Variants in RNLS observed in about 807,000 individuals in gnomAD.
RNLS encodes renalase.
A neutral mutation model predicts 39.8 loss-of-function variants in RNLS; 39 were observed. The ratio of observed to expected loss-of-function variants is 0.98; its 90% CI spans 0.76 to 1.28. The LOEUF is 1.28. RNLS is among the 50% of genes most tolerant of loss of function. The probability of loss-of-function intolerance (pLI) is 0.00; values close to 1 mark genes in which losing one functional copy is unlikely to be tolerated. For missense variants in RNLS, 410 were observed against 413.3 expected (o/e 0.99, Z 0.07); for synonymous variants, 147 against 150.7 (o/e 0.98, Z 0.18).
chr10:88,548,078 G>A (rs1220765051), intron 4 of RNLS, among the ~76,000 whole-genome samples: 3 of 150,152 alleles, frequency 2.0e-5, no homozygotes, highest in East Asian at 2.0e-4. Flanking sequence ...CCTGGGGAAC[G>A]CGGTGAAACC....
intron 4 of RNLS, among the ~76,000 whole-genome samples, chr10:88,396,719 C>T (rs1344686969): frequency 6.8e-6 from 1 of 147,134 alleles, no homozygotes; most frequent in Non-Finnish European, 1.5e-5. Flanking sequence ...AAAAAAAAAA[C>T]CTGATCCAAC....
intron 4 of RNLS, among the ~76,000 whole-genome samples, chr10:88,445,715 C>T (rs1589806106): frequency 6.6e-6 from 1 of 152,066 alleles, no homozygotes; most frequent in Admixed American, 6.6e-5. Flanking sequence ...AAGAGACAAA[C>T]AAGGCCATTA....
At chr10:88,192,678 GA>G in the RNLS span, among the ~76,000 whole-genome samples, 2 of 152,192 alleles carry the variant, frequency 1.3e-5, no homozygotes, top group Admixed American at 1.3e-4. Flanking sequence ...CCAAGAACAT[GA>G]AATCCTCTTG....
intron 5 of RNLS, among the ~76,000 whole-genome samples, chr10:88,320,120 G>A (rs1320568497): frequency 1.3e-5 from 2 of 149,958 alleles, no homozygotes; most frequent in Non-Finnish European, 3.0e-5. Context: ...CAAGCAAGAA[G>A]AGATTGGGGG....
exon 7 of RNLS, chr10:88,274,776 C>T: frequency 2.2e-6 from 1 of 452,828 alleles, no homozygotes; most frequent in South Asian, 3.1e-5. Flanking sequence ...TATCATTTTC[C>T]ATAGTAGCTA....
intron 4 of RNLS, among the ~76,000 whole-genome samples, chr10:88,555,694 T>G (rs1455738092): frequency 6.6e-6 from 1 of 152,096 alleles, no homozygotes; most frequent in African/African-American, 2.4e-5. Flanking sequence ...CCCTCCACAT[T>G]GCGAAATCCA....
chr10:88,312,668 T>C (rs966521039), intron 6 of RNLS, among the ~76,000 whole-genome samples: 3 of 152,316 alleles, frequency 2.0e-5, no homozygotes, highest in South Asian at 2.1e-4. Context: ...AACAAACTCA[T>C]AAGACTGCTT....
At chr10:88,543,896 C>T (rs1439149590) in intron 4 of RNLS, among the ~76,000 whole-genome samples, 1 of 152,078 alleles carries the variant, frequency 6.6e-6, no homozygotes, top group Non-Finnish European at 1.5e-5. Flanking sequence ...ATTGTGAGAT[C>T]TTAGTAATCT....
rs149248574 is a variant in RNLS, at chr10:88,513,434, A to G, written c.526+59469T>C. 7.3e-3 allele frequency among the ~76,000 whole-genome samples: 1,106 copies of G among 152,248 alleles called. 6 individuals are homozygous for G. Among genetic ancestry groups the G allele is most frequent in the African/African-American group, 0.026 (1,062 of 41,556 alleles). On this transcript the variant is annotated intron_variant, in intron 4 of 6. Coordinates refer to ENST00000331772, the MANE Select transcript of RNLS (RefSeq NM_001031709.3). ...ATAAAAGTTTTCAAATGTACACAAA[A>G]GTTGAAATAATTTTATATTAAACAC...
Position 88,562,585 on chromosome 10 carries a change from A to G in RNLS, c.526+10318T>C, listed in dbSNP as rs556584077. Among the ~76,000 whole-genome samples, 55 of 152,258 alleles carry G rather than the reference A, an allele frequency of 3.6e-4. No homozygotes were observed. In the South Asian group the frequency reaches 0.011, roughly 30 times the overall value. The stretch of plus-strand genomic sequence containing the variant: ...GTAAGGAATAAGAAGAGAACCATGA[A>G]TGAAATGACAATTTGTTGGGCATTC... On this transcript the variant is annotated intron_variant, in intron 4 of 6. Coordinates refer to ENST00000331772, the MANE Select transcript of RNLS (RefSeq NM_001031709.3).
chr10:88,177,649 C>G, the RNLS span, among the ~76,000 whole-genome samples: 3 of 151,416 alleles, frequency 2.0e-5, no homozygotes, highest in African/African-American at 7.3e-5. Flanking sequence ...TATTTCCTTG[C>G]TTCTTCATAT....
chr10:88,241,832 A>G, the RNLS span, among the ~76,000 whole-genome samples: 1 of 152,022 alleles, frequency 6.6e-6, no homozygotes, highest in African/African-American at 2.4e-5. Flanking sequence ...CTGTGCATTT[A>G]TACAGACTTT....
chr10:88,510,615 C>T (rs941684938), intron 4 of RNLS, among the ~76,000 whole-genome samples: 3 of 151,828 alleles, frequency 2.0e-5, no homozygotes, highest in Non-Finnish European at 4.4e-5. Flanking sequence ...GAGGCCGAGG[C>T]GGGCGGATCA....
chr10:88,529,814 T>C (rs1164514888), intron 4 of RNLS, among the ~76,000 whole-genome samples: 2 of 152,202 alleles, frequency 1.3e-5, no homozygotes, highest in African/African-American at 4.8e-5. Flanking sequence ...TTTTTGTTCA[T>C]ACAATATATT....
intron 6 of RNLS, among the ~76,000 whole-genome samples, chr10:88,302,899 G>A (rs1389445594): frequency 2.0e-5 from 3 of 152,194 alleles, no homozygotes; most frequent in Non-Finnish European, 2.9e-5. Flanking sequence ...ACTAGATGCA[G>A]CCAGGTGGAA....
the RNLS span, among the ~76,000 whole-genome samples, chr10:88,223,466 G>A: frequency 4.9e-3 from 747 of 152,244 alleles, 5 homozygotes; most frequent in African/African-American, 0.017. Flanking sequence ...TTAATGAAAC[G>A]TATAAAGGAC....
At chr10:88,295,391 T>C (rs1181572822) in intron 6 of RNLS, among the ~76,000 whole-genome samples, 1 of 152,204 alleles carries the variant, frequency 6.6e-6, no homozygotes, top group Non-Finnish European at 1.5e-5. Context: ...CACGGGTGCT[T>C]TCCTGCAGAG....
the RNLS span, among the ~76,000 whole-genome samples, chr10:88,227,430 G>A: frequency 1.3e-5 from 2 of 152,214 alleles, no homozygotes; most frequent in Admixed American, 6.5e-5. Context: ...ATAACAATAT[G>A]CTATGGTAGC....
chr10:88,343,847 T>A, intron 5 of RNLS: 2 of 979,238 alleles, frequency 2.0e-6, no homozygotes, highest in Non-Finnish European at 2.4e-6. Context: ...AATAGTCCTT[T>A]AATTGAAACG....
Sources: allele counts gnomAD v4.1 joint callset (sites outside exome capture counted in the v4.1 genomes callset), GRCh38; gene constraint gnomAD v4.1.1; transcripts MANE v1.5; gene names NCBI Gene and HGNC (gene_info 2026-07-23, HGNC 2026-07-21).